The following GRIK1 variants were observed in gnomAD, a reference collection of about 807,000 sequenced individuals.
GRIK1 encodes the protein glutamate receptor ionotropic, kainate 1.
In GRIK1, 69 loss-of-function variants were observed where a neutral mutation model predicts 105.7. That is an observed-to-expected ratio of 0.65 (90% CI 0.54 to 0.80). The LOEUF is 0.80. GRIK1 is among the 30% of genes least tolerant of loss of function. GRIK1 has a pLI of 0.00. For missense variants in GRIK1, 1,109 were observed against 1,167.3 expected (o/e 0.95, Z 0.73); for synonymous variants, 438 against 431.3 (o/e 1.02, Z -0.19).
At chr21:29,704,632 G>A (rs1252328467) in intron 1 of GRIK1, among the ~76,000 whole-genome samples, 3 of 152,166 alleles carry the variant, frequency 2.0e-5, no homozygotes, top group African/African-American at 2.4e-5. Flanking sequence ...AAAGTAGTTT[G>A]TTCTGCCAAG....
chr21:29,688,003 A>G (rs1385638957), intron 3 of GRIK1, among the ~76,000 whole-genome samples: 1 of 152,244 alleles, frequency 6.6e-6, no homozygotes, highest in Non-Finnish European at 1.5e-5. Context: ...ATGTTTAGCA[A>G]AAGTAGGCAA....
chr21:29,762,578 T>C (rs964995826), intron 1 of GRIK1, among the ~76,000 whole-genome samples: 1 of 152,236 alleles, frequency 6.6e-6, no homozygotes, highest in African/African-American at 2.4e-5. Flanking sequence ...TTTCAGGGGC[T>C]CATGCTTGCA....
chr21:29,709,674 T>A (rs150222529), intron 1 of GRIK1, among the ~76,000 whole-genome samples: 2,502 of 152,174 alleles, frequency 0.016, 27 homozygotes, highest in Middle Eastern at 0.044. Flanking sequence ...ATTAGCTTTA[T>A]TTTATAGTTT....
chr21:29,858,100 A>G (rs2068518827), intron 1 of GRIK1, among the ~76,000 whole-genome samples: 1 of 152,032 alleles, frequency 6.6e-6, no homozygotes, highest in African/African-American at 2.4e-5. Flanking sequence ...GGGTTTCACT[A>G]TGTTGGCCAG....
chr21:29,782,226 G>A (rs552640819), intron 1 of GRIK1, among the ~76,000 whole-genome samples: 30 of 150,588 alleles, frequency 2.0e-4, no homozygotes, highest in South Asian at 6.3e-4. Context: ...AGCTGGGACT[G>A]CAGGCGCCCG....
intron 1 of GRIK1, among the ~76,000 whole-genome samples, chr21:29,785,469 C>G (rs973106050): frequency 6.9e-6 from 1 of 145,606 alleles, no homozygotes; most frequent in African/African-American, 2.6e-5. Context: ...GAGGTTGAGG[C>G]AGGAGAATCC....
rs182542023 is a variant in GRIK1 at position 29,867,543 on chromosome 21, C to A, written c.118+71840G>T. ...GGCACGGTGGCTCATGCCTGTAATCCCAGCACTTTGGGAGACTGAGGCAGT... is the reference window on the plus strand; with the variant it reads ...GGCACGGTGGCTCATGCCTGTAATCACAGCACTTTGGGAGACTGAGGCAGT... On this transcript the variant is annotated intron_variant, in intron 1 of 17. Coordinates refer to ENST00000327783, the MANE Select transcript of GRIK1 (RefSeq NM_001330994.2). Among the ~76,000 whole-genome samples, 175 of 152,084 alleles carry A rather than the reference C, an allele frequency of 1.2e-3. 2 individuals are homozygous for A. Among genetic ancestry groups the A allele is most frequent in the African/African-American group, 4.1e-3 (169 of 41,498 alleles).
intron 7 of GRIK1, among the ~76,000 whole-genome samples, chr21:29,620,793 C>CTATATATATATAGATATATA (rs1568897423): frequency 1.6e-5 from 2 of 121,536 alleles, no homozygotes; most frequent in African/African-American, 7.3e-5. Flanking sequence ...ATATATATAT[C>CTATATATATATAGATATATA]TATATATATA....
chr21:29,737,878 A>T (rs1355306776), intron 1 of GRIK1, among the ~76,000 whole-genome samples: 1 of 152,256 alleles, frequency 6.6e-6, no homozygotes, highest in African/African-American at 2.4e-5. Flanking sequence ...ACATCCCATA[A>T]CATGACTTTG....
rs199916325 is a variant in GRIK1, at chr21:29,906,712, A to G, written c.118+32671T>C. ...CAAAAGAGTTAAAATAGTATTTAGA[A>G]CCAATTATCTTTTCAAAATTTATTT... is the stretch of plus-strand genomic sequence containing the variant. On this transcript the variant is annotated intron_variant, in intron 1 of 17. Coordinates refer to ENST00000327783, the MANE Select transcript of GRIK1 (RefSeq NM_001330994.2). 1.3e-4 allele frequency among the ~76,000 whole-genome samples: 20 copies of G among 152,126 alleles called. No homozygotes were observed. The East Asian group carries it at 3.7e-3, about 28-fold the overall frequency.
intron 1 of GRIK1, among the ~76,000 whole-genome samples, chr21:29,863,106 A>T (rs1212765330): frequency 1.3e-5 from 2 of 152,250 alleles, no homozygotes; most frequent in Admixed American, 6.5e-5. Context: ...CAAATACTGG[A>T]CCATAAAATT....
At position 29,756,633 on chromosome 21, in the gene GRIK1, G is replaced by A. The variant is rs189551436; in HGVS notation, c.119-62570C>T. ...CAAATATCCAATGAATACCAGGATGGAAATAACTTGTTTCCTGGCATTCAA... is the reference window on the plus strand; with the variant it reads ...CAAATATCCAATGAATACCAGGATGAAAATAACTTGTTTCCTGGCATTCAA... On this transcript the variant is annotated intron_variant, in intron 1 of 17. Transcript: ENST00000327783. 1.5e-4 allele frequency among the ~76,000 whole-genome samples: 23 copies of A among 151,810 alleles called. No individual in the cohort carries two copies. The East Asian group carries it at 4.1e-3, about 27-fold the overall frequency.
chr21:29,562,118 G>A (rs8131753), intron 14 of GRIK1, among the ~76,000 whole-genome samples: 38 of 152,286 alleles, frequency 2.5e-4, no homozygotes, highest in African/African-American at 7.9e-4. Context: ...GGGGTGACTA[G>A]CTCACTCCAG....
At chr21:29,543,412 T>C (rs1284173683) in intron 16 of GRIK1, among the ~76,000 whole-genome samples, 3 of 152,228 alleles carry the variant, frequency 2.0e-5, no homozygotes, top group Non-Finnish European at 4.4e-5. Context: ...GGTCAGGCTT[T>C]AATCATCTCT....
intron 7 of GRIK1, among the ~76,000 whole-genome samples, chr21:29,618,059 C>A (rs973642047): frequency 1.3e-5 from 2 of 152,194 alleles, no homozygotes; most frequent in Admixed American, 1.3e-4. Context: ...CTTAGTGTCA[C>A]CTTGATAATC....
intron 4 of GRIK1, among the ~76,000 whole-genome samples, chr21:29,669,047 T>C (rs1264337520): frequency 6.6e-6 from 1 of 152,212 alleles, no homozygotes; most frequent in East Asian, 1.9e-4. Flanking sequence ...AGAAAGTTCA[T>C]ATGAAAGCCC....
At chr21:29,884,048 C>G (rs2069520318) in intron 1 of GRIK1, among the ~76,000 whole-genome samples, 2 of 151,902 alleles carry the variant, frequency 1.3e-5, no homozygotes, top group African/African-American at 2.4e-5. Context: ...ATCTTGACTC[C>G]CATGTGCTGC....
intron 12 of GRIK1, among the ~76,000 whole-genome samples, chr21:29,586,654 T>C (rs566212476): frequency 6.6e-5 from 10 of 152,328 alleles, no homozygotes; most frequent in Admixed American, 1.3e-4. Flanking sequence ...GCATCAAAAG[T>C]ATTCAGAATA....
At position 29,672,963 on chromosome 21, in the gene GRIK1, C is replaced by T. The variant is rs2146644988; in HGVS notation, c.726+20G>A. ...AATAACATTTATCCCACACCTCCACCTCCTCCCTAGCCCTCTTACCTGCTT... is the reference window on the plus strand; with the variant it reads ...AATAACATTTATCCCACACCTCCACTTCCTCCCTAGCCCTCTTACCTGCTT... On this transcript the variant is annotated intron_variant, in intron 4 of 17. Transcript: ENST00000327783. 1.3e-6 allele frequency: 2 copies of T among 1,561,876 alleles called. No homozygotes were observed. Among genetic ancestry groups the T allele is most frequent in the Non-Finnish European group, 8.7e-7 (1 of 1,146,780 alleles).
Sources: allele counts gnomAD v4.1 joint callset (sites outside exome capture counted in the v4.1 genomes callset), GRCh38; gene constraint gnomAD v4.1.1; transcripts MANE v1.5; gene names NCBI Gene and HGNC (gene_info 2026-07-23, HGNC 2026-07-21).